The following MEGF9 variants were observed in gnomAD, a reference collection of about 807,000 sequenced individuals.
The protein encoded by MEGF9 is multiple epidermal growth factor-like domains protein 9.
A neutral mutation model predicts 46.8 loss-of-function variants in MEGF9; 6 were observed. The ratio of observed to expected loss-of-function variants is 0.13; its 90% CI spans 0.07 to 0.25. MEGF9 has a LOEUF of 0.25. Ranked by LOEUF, MEGF9 falls within the 10% of genes least tolerant of loss-of-function variation. The pLI, the probability that MEGF9 is intolerant of heterozygous loss-of-function variation, is 1.00. For synonymous variants in MEGF9, 302 were observed against 330.7 expected, an observed-to-expected ratio of 0.91 and a Z score of 0.94; for missense variants, 683 against 792.4, an observed-to-expected ratio of 0.86 and a Z score of 1.66.
chr9:120,607,020 C>T (rs1488781607), intron 5 of MEGF9, among the ~76,000 whole-genome samples: 1 of 152,070 alleles, frequency 6.6e-6, no homozygotes, highest in African/African-American at 2.4e-5. Context: ...TTGATCACTA[C>T]AGTATAAAGA....
At chr9:120,664,943 G>A (rs973197898) in intron 1 of MEGF9, among the ~76,000 whole-genome samples, 1 of 152,074 alleles carries the variant, frequency 6.6e-6, no homozygotes, top group Non-Finnish European at 1.5e-5. Context: ...TTCAATACAT[G>A]CATACAATGT....
intron 1 of MEGF9, among the ~76,000 whole-genome samples, chr9:120,708,253 T>C (rs532615718): frequency 1.3e-5 from 2 of 152,030 alleles, no homozygotes; most frequent in Non-Finnish European, 2.9e-5. Flanking sequence ...TAGTCCCAGT[T>C]ACTCGGGAGG....
At chr9:120,625,001 T>C (rs1233153856) in intron 2 of MEGF9, among the ~76,000 whole-genome samples, 1 of 152,188 alleles carries the variant, frequency 6.6e-6, no homozygotes, top group African/African-American at 2.4e-5. Context: ...TTATCAGGCA[T>C]GGTGGCACAT....
intron 4 of MEGF9, among the ~76,000 whole-genome samples, chr9:120,611,889 G>C (rs1564411736): frequency 6.6e-6 from 1 of 150,486 alleles, no homozygotes; most frequent in African/African-American, 2.5e-5. Context: ...GAGAGAGAAA[G>C]AAAGAAAGAA....
chr9:120,614,766 T>G (rs2043463765), intron 3 of MEGF9, among the ~76,000 whole-genome samples: 1 of 151,786 alleles, frequency 6.6e-6, no homozygotes, highest in South Asian at 2.1e-4. Context: ...TCTGATAAAG[T>G]GCTAAGCTTT....
intron 2 of MEGF9, among the ~76,000 whole-genome samples, chr9:120,643,033 T>C (rs559285344): frequency 1.3e-5 from 2 of 152,342 alleles, no homozygotes; most frequent in South Asian, 2.1e-4. Flanking sequence ...TAGTCCTATA[T>C]ACTATGTCAA....
chr9:120,679,953 A>AAG (rs1223155148), intron 1 of MEGF9, among the ~76,000 whole-genome samples: 1 of 150,588 alleles, frequency 6.6e-6, no homozygotes, highest in Non-Finnish European at 1.5e-5. Flanking sequence ...AAAAAAAAAA[A>AAG]AGAGAGAGAC....
chr9:120,711,524 G>A (rs2043953034), intron 1 of MEGF9, among the ~76,000 whole-genome samples: 1 of 152,166 alleles, frequency 6.6e-6, no homozygotes, highest in East Asian at 1.9e-4. Context: ...GGGACTGACT[G>A]AAACTAGGAG....
Position 120,650,659 on chromosome 9 carries a change from T to C in MEGF9, c.803+8715A>G, listed in dbSNP as rs72755766. The stretch of plus-strand genomic sequence containing the variant: ...TTTTAAAAGCCAATTGTTAGTTCCA[T>C]AGACTTTCAATATATGAGGGAATCA... On this transcript the variant is annotated intron_variant, in intron 2 of 5. Transcript: ENST00000373930. 5.8e-3 allele frequency among the ~76,000 whole-genome samples: 891 copies of C among 152,354 alleles called. 6 individuals carry two copies. Among genetic ancestry groups the C allele is most frequent in the Non-Finnish European group, 0.01 (706 of 68,032 alleles).
chr9:120,712,775 C>T (rs796433222), intron 1 of MEGF9, among the ~76,000 whole-genome samples: 41 of 152,336 alleles, frequency 2.7e-4, no homozygotes, highest in African/African-American at 9.6e-4. Context: ...GACAAACCTC[C>T]ACCCCAACTC....
At chr9:120,634,444 ATC>A (rs2043564616) in intron 2 of MEGF9, among the ~76,000 whole-genome samples, 1 of 60,854 alleles carries the variant, frequency 1.6e-5, no homozygotes, top group Non-Finnish European at 3.3e-5. Context: ...TGTGTGGAAT[ATC>A]TTTTTTTTTT....
In MEGF9 at chr9:120,607,729, G is replaced by A; in HGVS notation, c.1357+12C>T. The A allele has an allele frequency of 6.2e-7, 1 of 1,606,056 alleles. No homozygotes were observed. The highest frequency in any genetic ancestry group is 8.5e-7 in the Non-Finnish European group (1 of 1,173,076). ...AGATATTAAATTTACAATCACTTAG[G>A]TGAAGTTTTACCTTTCTTGATGCAA... On this transcript the variant is annotated intron_variant, in intron 5 of 5. Coordinates refer to ENST00000373930, the MANE Select transcript of MEGF9 (RefSeq NM_001080497.3).
chr9:120,675,887 C>CAAAAAAA (rs1173047863), intron 1 of MEGF9, among the ~76,000 whole-genome samples: 17 of 58,080 alleles, frequency 2.9e-4, no homozygotes, highest in South Asian at 8.9e-4. Flanking sequence ...GACTCCATCT[C>CAAAAAAA]AAAAAAAAAA....
intron 2 of MEGF9, among the ~76,000 whole-genome samples, chr9:120,658,749 A>T (rs2043688698): frequency 6.6e-6 from 1 of 152,260 alleles, no homozygotes; most frequent in Non-Finnish European, 1.5e-5. Context: ...CTTTCAGTGC[A>T]GTACAAGGCA....
intron 2 of MEGF9, among the ~76,000 whole-genome samples, chr9:120,658,478 T>C (rs1447921134): frequency 6.6e-6 from 1 of 152,230 alleles, no homozygotes; most frequent in Admixed American, 6.5e-5. Context: ...CCAGAATTTA[T>C]TGAGTGACAT....
chr9:120,668,047 A>C (rs1014222996), intron 1 of MEGF9, among the ~76,000 whole-genome samples: 3 of 152,104 alleles, frequency 2.0e-5, no homozygotes, highest in Admixed American at 2.0e-4. Context: ...CAAACAAAAA[A>C]ACCAACAAAA....
At chr9:120,613,316 G>A (rs1046399996) in intron 3 of MEGF9, among the ~76,000 whole-genome samples, 81 of 152,012 alleles carry the variant, frequency 5.3e-4, no homozygotes, top group African/African-American at 1.9e-3. Flanking sequence ...GATTGCGAGG[G>A]TATAGGGGAA....
At chr9:120,618,654 T>C (rs898526985) in intron 3 of MEGF9, among the ~76,000 whole-genome samples, 1 of 152,122 alleles carries the variant, frequency 6.6e-6, no homozygotes, top group Non-Finnish European at 1.5e-5. Flanking sequence ...TCCCAGGACT[T>C]TGGGAGGCCG....
At chr9:120,615,116 G>A (rs2043465487) in intron 3 of MEGF9, among the ~76,000 whole-genome samples, 1 of 151,716 alleles carries the variant, frequency 6.6e-6, no homozygotes, top group East Asian at 1.9e-4. Context: ...GTGCATGCCT[G>A]TAATCCCAGC....
Sources: allele counts gnomAD v4.1 joint callset (sites outside exome capture counted in the v4.1 genomes callset), GRCh38; gene constraint gnomAD v4.1.1; transcripts MANE v1.5; gene names NCBI Gene and HGNC (gene_info 2026-07-23, HGNC 2026-07-21).